NPSR1: variants seen among roughly 807,000 people sequenced by gnomAD.
NPSR1 encodes the protein neuropeptide S receptor.
NPSR1 carries 48 observed loss-of-function variants against 46.9 expected under a neutral mutation model. The observed-to-expected ratio is 1.02, with a 90% CI of 0.81 to 1.30. The LOEUF (loss-of-function observed/expected upper bound fraction) is 1.30. Ranked by LOEUF, NPSR1 falls within the 50% of genes most tolerant of loss-of-function variation. NPSR1 has a pLI of 0.00. For synonymous variants in NPSR1, 176 were observed against 168.1 expected (o/e 1.05, Z -0.36); for missense variants, 450 against 449.5 (o/e 1.00, Z -0.01).
chr7:34,782,720 A>C (rs1312142534), intron 3 of NPSR1, among the ~76,000 whole-genome samples: 8 of 152,186 alleles, frequency 5.3e-5, no homozygotes, highest in African/African-American at 1.7e-4. Context: ...ACATAAGGCA[A>C]AAATAAACAT....
chr7:34,873,395 A>AT (rs1411335733), intron 8 of NPSR1, among the ~76,000 whole-genome samples: 1 of 151,718 alleles, frequency 6.6e-6, no homozygotes, highest in Non-Finnish European at 1.5e-5. Context: ...TTACACTGCT[A>AT]TAAAAAAAAG....
In NPSR1 at chr7:34,778,481, C is replaced by A; in HGVS notation, c.300C>A (p.Val100=). Residue 100 remains valine (V), a synonymous_variant, in exon 3 of 9, where the codon GTC becomes GTA. Coordinates refer to ENST00000360581, the MANE Select transcript of NPSR1 (RefSeq NM_207172.2). ...TGTTAGATTCTTTCACAGGACTGGT[C>A]AACATCTTGACAGATATTAATTGGC... ...LAITDSFTGL[V]NILTDINWRF... The A allele has an allele frequency of 6.2e-7, 1 of 1,606,056 alleles. No individual in the cohort carries two copies. Among genetic ancestry groups the A allele is most frequent in the Non-Finnish European group, 8.5e-7 (1 of 1,173,540 alleles).
chr7:34,812,389 C>A (rs932243045), intron 4 of NPSR1, among the ~76,000 whole-genome samples: 1 of 152,110 alleles, frequency 6.6e-6, no homozygotes, highest in Admixed American at 6.5e-5. Flanking sequence ...GAAAAGGAAG[C>A]AGATGGGTCA....
At chr7:34,868,762 A>G (rs1791381900) in intron 8 of NPSR1, among the ~76,000 whole-genome samples, 1 of 151,458 alleles carries the variant, frequency 6.6e-6, no homozygotes, top group Admixed American at 6.6e-5. Context: ...TCCCGTTTAA[A>G]CCCTGGGGGC....
chr7:34,703,494 A>T (rs931417504), intron 2 of NPSR1, among the ~76,000 whole-genome samples: 1 of 152,180 alleles, frequency 6.6e-6, no homozygotes, highest in Non-Finnish European at 1.5e-5. Context: ...CCAGAGCAGT[A>T]TTCACACATT....
intron 2 of NPSR1, among the ~76,000 whole-genome samples, chr7:34,731,499 G>C (rs1344182479): frequency 8.6e-6 from 1 of 116,806 alleles, no homozygotes; most frequent in Non-Finnish European, 2.1e-5. Flanking sequence ...AAGTACCCCT[G>C]GGTTACATTT....
chr7:34,734,274 A>G (rs10271262), intron 2 of NPSR1, among the ~76,000 whole-genome samples: 21,104 of 152,194 alleles, frequency 0.14, 1,608 homozygotes, highest in Non-Finnish European at 0.17. Flanking sequence ...CTGGGTATCA[A>G]TTTTTTAAAG....
intron 3 of NPSR1, among the ~76,000 whole-genome samples, chr7:34,790,894 A>G (rs1787758035): frequency 8.0e-6 from 1 of 124,344 alleles, no homozygotes; most frequent in South Asian, 2.2e-4. Context: ...TATATCATAT[A>G]TGTTATATGT....
chr7:34,795,805 T>C (rs1175149683), intron 3 of NPSR1, among the ~76,000 whole-genome samples: 7 of 152,094 alleles, frequency 4.6e-5, no homozygotes, highest in Non-Finnish European at 8.8e-5. Context: ...AGATTCAATA[T>C]TGTCAAGGTG....
In NPSR1 at chr7:34,753,154, C is replaced by T. The variant is rs324968; in HGVS notation, c.281-25308C>T. 7.7e-3 allele frequency among the ~76,000 whole-genome samples: 1,172 copies of T among 152,056 alleles called. 17 individuals carry two copies. The highest frequency in any genetic ancestry group is 0.027 in the African/African-American group (1,104 of 41,464). On this transcript the variant is annotated intron_variant, in intron 2 of 8. Transcript: ENST00000360581. ...AAAATCAGGGTCCTCCAGGGCAACA[C>T]GATGGGGACTTCACAGAGTGGGTGG...
At chr7:34,662,696 T>G (rs115359586) in intron 1 of NPSR1, among the ~76,000 whole-genome samples, 48 of 152,290 alleles carry the variant, frequency 3.2e-4, no homozygotes, top group African/African-American at 1.1e-3. Context: ...ATTAAACATA[T>G]TATTCCTTCC....
At chr7:34,831,052 C>T (rs1790095842) in intron 5 of NPSR1, among the ~76,000 whole-genome samples, 1 of 152,188 alleles carries the variant, frequency 6.6e-6, no homozygotes, top group Admixed American at 6.5e-5. Flanking sequence ...AGAGGCACCT[C>T]AGGTCCTCAC....
intron 2 of NPSR1, among the ~76,000 whole-genome samples, chr7:34,727,682 G>A (rs1784226508): frequency 1.3e-5 from 2 of 152,192 alleles, no homozygotes; most frequent in South Asian, 4.1e-4. Context: ...CATCAGTAAA[G>A]AGCATGTGGT....
chr7:34,714,759 G>C (rs1783482557), intron 2 of NPSR1, among the ~76,000 whole-genome samples: 1 of 152,178 alleles, frequency 6.6e-6, no homozygotes, highest in Non-Finnish European at 1.5e-5. Flanking sequence ...CCAGGGTCAG[G>C]GCTAGGTGGG....
intron 2 of NPSR1, among the ~76,000 whole-genome samples, chr7:34,777,835 C>T (rs1475149784): frequency 2.6e-5 from 4 of 152,158 alleles, no homozygotes; most frequent in Non-Finnish European, 5.9e-5. Flanking sequence ...GAATTGAGTA[C>T]AGATGACCTG....
intron 1 of NPSR1, among the ~76,000 whole-genome samples, chr7:34,662,709 C>A (rs1167560385): frequency 2.6e-5 from 4 of 152,150 alleles, no homozygotes. Flanking sequence ...TTCCTTCCTG[C>A]CAGTTCTGCT....
intron 5 of NPSR1, 81 bp from the exon 6 acceptor site, chr7:34,834,303 G>A: frequency 3.1e-6 from 3 of 983,234 alleles, no homozygotes; most frequent in Non-Finnish European, 4.9e-6. Context: ...TTGCACTCGG[G>A]GAGGTGGGAG....
chr7:34,823,927 A>G (rs547651683), intron 4 of NPSR1, among the ~76,000 whole-genome samples: 2 of 152,164 alleles, frequency 1.3e-5, no homozygotes, highest in African/African-American at 4.8e-5. Flanking sequence ...AAGATACCTG[A>G]GCTTTCAACA....
chr7:34,853,402 T>C (rs1236362363), downstream of NPSR1, among the ~76,000 whole-genome samples: 2 of 152,186 alleles, frequency 1.3e-5, no homozygotes, highest in Non-Finnish European at 2.9e-5. Flanking sequence ...AGCTTTCCAA[T>C]TGCATTTAAT....
Sources: allele counts gnomAD v4.1 joint callset (sites outside exome capture counted in the v4.1 genomes callset), GRCh38; gene constraint gnomAD v4.1.1; transcripts MANE v1.5; gene names NCBI Gene and HGNC (gene_info 2026-07-23, HGNC 2026-07-21).